OCA2: variants seen among roughly 807,000 people sequenced by gnomAD.
The protein encoded by OCA2 is OCA2 melanosomal transmembrane protein.
Under a neutral mutation model 100.2 loss-of-function variants are expected in OCA2, and 77 were observed. The ratio of observed to expected loss-of-function variants is 0.77; its 90% confidence interval spans 0.64 to 0.93. The LOEUF (loss-of-function observed/expected upper bound fraction) is 0.93. OCA2 is among the 40% of genes least tolerant of loss of function. OCA2 has a pLI of 0.00. For synonymous variants in OCA2, 432 were observed against 439.2 expected (o/e 0.98, Z 0.21); for missense variants, 1,062 against 1,089.1 (o/e 0.98, Z 0.35).
At chr15:27,961,910 C>T (rs2040422756) in intron 15 of OCA2, among the ~76,000 whole-genome samples, 1 of 151,652 alleles carries the variant, frequency 6.6e-6, no homozygotes, top group South Asian at 2.1e-4. Flanking sequence ...AACAAACCTG[C>T]ACATTCTGCA....
At chr15:28,082,277 T>A (rs1333633589) in intron 1 of OCA2, among the ~76,000 whole-genome samples, 2 of 152,136 alleles carry the variant, frequency 1.3e-5, no homozygotes, top group Non-Finnish European at 2.9e-5. Flanking sequence ...AATAAGGGAA[T>A]AAAAGGCTGG....
At chr15:27,723,484 C>T in the OCA2 span, among the ~76,000 whole-genome samples, 1 of 151,942 alleles carries the variant, frequency 6.6e-6, no homozygotes, top group Non-Finnish European at 1.5e-5. Context: ...GCAGGAGAGG[C>T]CACATCACTC....
At chr15:27,953,612 A>C (rs1050320535) in intron 17 of OCA2, among the ~76,000 whole-genome samples, 1 of 152,192 alleles carries the variant, frequency 6.6e-6, no homozygotes, top group African/African-American at 2.4e-5. Flanking sequence ...CAGCCAGTGC[A>C]AAGATTGGAG....
At chr15:27,726,307 ATAAAT>A in the OCA2 span, among the ~76,000 whole-genome samples, 1 of 120,252 alleles carries the variant, frequency 8.3e-6, no homozygotes, top group African/African-American at 7.0e-5. Flanking sequence ...CAAAAAATAA[ATAAAT>A]AAATAAATAA....
chr15:28,082,413 G>A (rs895599662), intron 1 of OCA2, among the ~76,000 whole-genome samples: 5 of 152,148 alleles, frequency 3.3e-5, no homozygotes, highest in Admixed American at 1.3e-4. Context: ...AACACTCACC[G>A]GGAAGGTCTG....
At chr15:28,052,676 T>C (rs1007897529) in intron 2 of OCA2, among the ~76,000 whole-genome samples, 3 of 152,250 alleles carry the variant, frequency 2.0e-5, no homozygotes, top group Non-Finnish European at 2.9e-5. Context: ...TACGATACGA[T>C]GTAAAACTAG....
At chr15:27,932,328 G>A (rs1363977999) in intron 18 of OCA2, among the ~76,000 whole-genome samples, 1 of 152,208 alleles carries the variant, frequency 6.6e-6, no homozygotes, top group Non-Finnish European at 1.5e-5. Flanking sequence ...GAAAATGGCA[G>A]GCATTGTTCA....
intron 9 of OCA2, among the ~76,000 whole-genome samples, chr15:27,992,634 T>C (rs1407619135): frequency 6.6e-6 from 1 of 152,142 alleles, no homozygotes; most frequent in East Asian, 1.9e-4. Context: ...AATTAAGTCT[T>C]CATTAGTAGA....
intron 19 of OCA2, among the ~76,000 whole-genome samples, chr15:27,878,382 T>C (rs2036876158): frequency 6.6e-6 from 1 of 152,166 alleles, no homozygotes; most frequent in African/African-American, 2.4e-5. Flanking sequence ...TAACATGTCT[T>C]ATAGAGCAGG....
intron 6 of OCA2, among the ~76,000 whole-genome samples, chr15:28,020,241 G>A (rs541208434): frequency 2.0e-3 from 311 of 152,118 alleles, no homozygotes; most frequent in Non-Finnish European, 2.8e-3. Flanking sequence ...GAAGGAGCTC[G>A]GCAAAATGCC....
In OCA2 at chr15:27,957,986, G is replaced by A. The variant is rs1309701064; in HGVS notation, c.1637-251C>T. ...AAACACCACATGTTCTCACTCATAG[G>A]TGGGAATTGAACAATGAGAACACTT... On this transcript the variant is annotated intron_variant, in intron 15 of 23. Transcript: ENST00000354638. The surrounding 1 kb of genome is among the most constrained non-coding windows in gnomAD (Gnocchi z 4.3). Among the ~76,000 whole-genome samples, 2 of 152,110 alleles carry A rather than the reference G, an allele frequency of 1.3e-5. No homozygotes were observed. The highest frequency in any genetic ancestry group is 2.4e-5 in the African/African-American group (1 of 41,400).
chr15:27,878,492 C>T lies in OCA2; in HGVS notation c.2080-6570G>A, dbSNP rs549992601. Among the ~76,000 whole-genome samples, 142 of 152,216 alleles carry T rather than the reference C, an allele frequency of 9.3e-4. 2 individuals carry two copies. Among genetic ancestry groups the T allele is most frequent in the African/African-American group, 3.4e-3 (140 of 41,556 alleles). On this transcript the variant is annotated intron_variant, in intron 19 of 23. Transcript: ENST00000354638. ...TATTTTGCTGGATAGAGAATTCTGG[C>T]TTAAAAGTTCTTTTCTTTCAGCACT...
intron 19 of OCA2, among the ~76,000 whole-genome samples, chr15:27,887,617 C>CTT (rs34199755): frequency 0.015 from 1,818 of 120,224 alleles, 28 homozygotes; most frequent in African/African-American, 0.046. Context: ...CACTAAACCT[C>CTT]TTTTTTTTTT....
At chr15:27,770,983 CTTTCTT>C in intron 23 of OCA2, among the ~76,000 whole-genome samples, 10 of 60,138 alleles carry the variant, frequency 1.7e-4, no homozygotes, top group Non-Finnish European at 4.1e-4. Context: ...TCCTTTCCTT[CTTTCTT>C]CCTTCCCTTC....
chr15:27,896,471 A>G (rs1170816408), intron 19 of OCA2: 15 of 607,790 alleles, frequency 2.5e-5, no homozygotes, highest in Non-Finnish European at 4.2e-5. Flanking sequence ...CCAAGAAAAA[A>G]GTTAAAAAGA....
At chr15:27,958,462 GT>G (rs2040303763) in intron 15 of OCA2, among the ~76,000 whole-genome samples, 1 of 152,180 alleles carries the variant, frequency 6.6e-6, no homozygotes, top group Non-Finnish European at 1.5e-5. Flanking sequence ...AGGGCATTTG[GT>G]AAGCAGCAGA....
At position 27,996,525 on chromosome 15, in the gene OCA2, G is replaced by A. The variant is rs572248723; in HGVS notation, c.1045-5878C>T. 4.0e-5 allele frequency among the ~76,000 whole-genome samples: 6 copies of A among 151,474 alleles called. No homozygotes were observed. In the East Asian group the frequency reaches 1.2e-3, roughly 29 times the overall value. On this transcript the variant is annotated intron_variant, in intron 9 of 23. Coordinates refer to ENST00000354638, the MANE Select transcript of OCA2 (RefSeq NM_000275.3). Reference sequence around the variant, plus strand: ...CAGAGACTAGAAAGACAATTGAAGAGATCAGCAAAACTAAGAGTTGGGTTT... The same window carrying A: ...CAGAGACTAGAAAGACAATTGAAGAAATCAGCAAAACTAAGAGTTGGGTTT...
intron 22 of OCA2, among the ~76,000 whole-genome samples, chr15:27,848,622 T>C (rs563778586): frequency 1.2e-4 from 18 of 152,342 alleles, no homozygotes; most frequent in African/African-American, 3.8e-4. Context: ...AAGGGCATTT[T>C]CAAAACCATG....
At chr15:27,722,721 T>TC in the OCA2 span, among the ~76,000 whole-genome samples, 2 of 97,086 alleles carry the variant, frequency 2.1e-5, no homozygotes, top group South Asian at 3.2e-4. Flanking sequence ...TCTTTCTCTC[T>TC]TTCTTCTTTC....
Sources: gnomAD v4.1 joint callset for allele counts (sites outside exome capture counted in the v4.1 genomes callset) on GRCh38, gnomAD v4.1.1 for gene constraint, Gnocchi (gnomAD v3.1) non-coding constraint, MANE v1.5 for transcripts, NCBI Gene and HGNC (gene_info 2026-07-23, HGNC 2026-07-21) for gene names.